Variants in MICAL2 observed in about 807,000 individuals in gnomAD.
MICAL2 encodes the protein [F-actin]-monooxygenase MICAL2.
In MICAL2, 77 loss-of-function variants were observed where a neutral mutation model predicts 127.3. That is an observed-to-expected ratio of 0.60 (90% CI 0.50 to 0.73). The LOEUF (loss-of-function observed/expected upper bound fraction) is 0.73. MICAL2 is among the 30% of genes least tolerant of loss of function. The pLI is 0.00. For missense variants in MICAL2, 1,351 were observed against 1,434.4 expected (o/e 0.94, Z 0.94); for synonymous variants, 570 against 551.1 (o/e 1.03, Z -0.48).
downstream of MICAL2, among the ~76,000 whole-genome samples, chr11:12,361,928 G>A (rs901556032): frequency 1.3e-5 from 2 of 152,164 alleles, no homozygotes; most frequent in Admixed American, 1.3e-4. Context: ...TCAAATGTAG[G>A]AGTTTATTGT....
chr11:12,355,006 C>A, intron 34 of MICAL2: 1 of 671,234 alleles, frequency 1.5e-6, no homozygotes, highest in Non-Finnish European at 2.5e-6. Context: ...CCACCAGCAG[C>A]ACCACAAGCC....
intron 17 of MICAL2, among the ~76,000 whole-genome samples, chr11:12,240,432 T>C (rs1288886279): frequency 6.6e-6 from 1 of 152,254 alleles, no homozygotes; most frequent in Non-Finnish European, 1.5e-5. Context: ...TAATTAGCTT[T>C]TGAGGCAACC....
chr11:12,183,332 C>T (rs908397009), intron 3 of MICAL2, among the ~76,000 whole-genome samples: 2 of 152,146 alleles, frequency 1.3e-5, no homozygotes, highest in East Asian at 1.9e-4. Flanking sequence ...ACACGTTTGG[C>T]GTGCCCAGCT....
intron 17 of MICAL2, among the ~76,000 whole-genome samples, chr11:12,239,864 A>G (rs1285030488): frequency 6.6e-6 from 1 of 152,246 alleles, no homozygotes; most frequent in East Asian, 1.9e-4. Context: ...GTTCCAATAA[A>G]ACTTTATTTA....
At chr11:12,276,209 G>T in intron 1 of MICAL2, 1 of 386,266 alleles carries the variant, frequency 2.6e-6, no homozygotes. Context: ...AGCGGGGTTG[G>T]AGGAAGGGAA....
intron 2 of MICAL2, 79 bp from the exon 3 acceptor site, chr11:12,162,000 C>T (rs1471360335): frequency 2.3e-6 from 2 of 871,282 alleles, no homozygotes; most frequent in Non-Finnish European, 3.5e-6. Flanking sequence ...AAAGAAATTG[C>T]ATTTTTACTT....
At chr11:12,200,690 A>G (rs1356040679) in intron 3 of MICAL2, among the ~76,000 whole-genome samples, 1 of 152,214 alleles carries the variant, frequency 6.6e-6, no homozygotes, top group Admixed American at 6.5e-5. Flanking sequence ...GGCCCGAAAT[A>G]TGTACTGGGG....
intron 15 of MICAL2, among the ~76,000 whole-genome samples, chr11:12,234,807 G>A (rs1226064825): frequency 6.6e-6 from 1 of 152,194 alleles, no homozygotes; most frequent in Non-Finnish European, 1.5e-5. Flanking sequence ...GGCACCCGTA[G>A]CTAGGGTTGT....
chr11:12,343,455 C>G (rs1938902800), intron 32 of MICAL2, among the ~76,000 whole-genome samples: 1 of 143,338 alleles, frequency 7.0e-6, no homozygotes, highest in African/African-American at 2.5e-5. Context: ...AGTTATTCCA[C>G]TGAAAAAATA....
chr11:12,306,959 C>T (rs1189748079), intron 29 of MICAL2, among the ~76,000 whole-genome samples: 1 of 152,128 alleles, frequency 6.6e-6, no homozygotes, highest in African/African-American at 2.4e-5. Flanking sequence ...TTTCCATTTG[C>T]CTTAGCCAAG....
chr11:12,229,433 C>T lies in MICAL2; in HGVS notation c.1995+2302C>T, dbSNP rs76127130. Among the ~76,000 whole-genome samples, 940 of 152,322 alleles carry T rather than the reference C, an allele frequency of 6.2e-3. 5 individuals carry two copies. The highest frequency in any genetic ancestry group is 0.022 in the African/African-American group (897 of 41,574). The stretch of plus-strand genomic sequence containing the variant: ...GTAAATGGGGCTGTCTTCTGGGTAC[C>T]AGCGGTCAGCTTGTTCTACCTCCAG... On this transcript the variant is annotated intron_variant, in intron 15 of 27. Transcript: ENST00000683283.
chr11:12,147,377 A>G (rs184942140), intron 2 of MICAL2, among the ~76,000 whole-genome samples: 1 of 152,216 alleles, frequency 6.6e-6, no homozygotes, highest in Non-Finnish European at 1.5e-5. Context: ...CCATGTTGGC[A>G]CTGGAATTAC....
intron 29 of MICAL2, among the ~76,000 whole-genome samples, chr11:12,315,834 C>A (rs190474311): frequency 2.8e-4 from 42 of 152,168 alleles, no homozygotes; most frequent in African/African-American, 1.0e-3. Context: ...GGGTTAATAC[C>A]CCTTAGCTAT....
chr11:12,232,577 G>C (rs750717600), intron 15 of MICAL2, among the ~76,000 whole-genome samples: 6 of 152,086 alleles, frequency 3.9e-5, no homozygotes, highest in Admixed American at 3.9e-4. Flanking sequence ...ACAAAAATTA[G>C]CCTGCGTGGT....
Position 12,222,838 on chromosome 11 carries a change from C to G in MICAL2, c.1449+95C>G, listed in dbSNP as rs929459275. The G allele has an allele frequency of 7.9e-6, 12 of 1,511,072 alleles. No homozygotes were observed. The East Asian group carries it at 2.3e-4, about 29-fold the overall frequency. The allele number at this position is 1,511,072 out of a possible 1,614,324, so 93.6% of individuals were successfully genotyped here. ...GGTCACATTAAATTTTGGTCCATTC[C>G]TGGGACTAAGGCCACCAAGGCCTGC... On this transcript the variant is annotated intron_variant, in intron 11 of 27. Transcript: ENST00000683283.
In MICAL2 at chr11:12,222,626, CTA is replaced by C; in HGVS notation, c.1333_1334del (p.Tyr445ProfsTer16). On this transcript the variant is annotated frameshift_variant, in exon 11 of 28. Coordinates refer to ENST00000683283, the MANE Select transcript of MICAL2 (RefSeq NM_001282663.2). LOFTEE classifies it high-confidence loss of function. ...CTCCGCCTCCCTCCAGGGAAAGTCT[CTA>C]CCGGCTGTTACCTCAGACAACCCCG... The part of the protein sequence containing the change: ...LELLAERESL[Y>X]RLLPQTTPEN... 6.2e-7 allele frequency: 1 copy of C among 1,614,262 alleles called. No individual in the cohort carries two copies. The highest frequency in any genetic ancestry group is 8.5e-7 in the Non-Finnish European group (1 of 1,180,060).
chr11:12,222,604 C>T lies in MICAL2; in HGVS notation c.1323-13C>T, dbSNP rs765627393. The stretch of plus-strand genomic sequence containing the variant: ...AAAGTGATCCCTGACCTCCAGGCTC[C>T]GCCTCCCTCCAGGGAAAGTCTCTAC... On this transcript the variant is annotated splice_polypyrimidine_tract_variant and intron_variant, in intron 10 of 27. Transcript: ENST00000683283. 6.8e-5 allele frequency: 110 copies of T among 1,614,140 alleles called. No individual in the cohort carries two copies. The highest frequency in any genetic ancestry group is 8.0e-5 in the Non-Finnish European group (94 of 1,180,014).
chr11:12,297,528 T>A (rs1864000580), intron 29 of MICAL2, among the ~76,000 whole-genome samples: 1 of 152,128 alleles, frequency 6.6e-6, no homozygotes. Context: ...TCTAGCTTTA[T>A]ATACTAGTTT....
chr11:12,249,600 A>G (rs539840475), intron 22 of MICAL2, among the ~76,000 whole-genome samples: 6 of 152,292 alleles, frequency 3.9e-5, no homozygotes, highest in East Asian at 1.9e-4. Flanking sequence ...TCCTTGCCCA[A>G]GTGGATCCAA....
Sources: allele counts gnomAD v4.1 joint callset (sites outside exome capture counted in the v4.1 genomes callset), GRCh38; gene constraint gnomAD v4.1.1; transcripts MANE v1.5; gene names NCBI Gene and HGNC (gene_info 2026-07-23, HGNC 2026-07-21).